PCBP4: variants seen among roughly 807,000 people sequenced by gnomAD.
The protein encoded by PCBP4 is poly(rC) binding protein 4.
Under a neutral mutation model 46.2 loss-of-function variants are expected in PCBP4, and 24 were observed. The ratio of observed to expected loss-of-function variants is 0.52; its 90% CI spans 0.38 to 0.73. PCBP4 has a LOEUF of 0.73. Ranked by LOEUF, PCBP4 falls within the 30% of genes least tolerant of loss-of-function variation. The pLI, the probability that PCBP4 is intolerant of heterozygous loss-of-function variation, is 0.00. For missense variants in PCBP4, 407 were observed against 537.0 expected, an observed-to-expected ratio of 0.76 and a Z score of 2.39; for synonymous variants, 203 against 224.4, an observed-to-expected ratio of 0.90 and a Z score of 0.85.
intron 1 of PCBP4, among the ~76,000 whole-genome samples, chr3:51,966,672 C>T (rs1371844848): frequency 1.3e-5 from 2 of 152,008 alleles, no homozygotes; most frequent in Non-Finnish European, 2.9e-5. Flanking sequence ...GGTGCTGGGG[C>T]CGGGTGGGGC....
Position 51,959,011 on chromosome 3 carries a change from C to G in PCBP4, c.753+36G>C. 1 of 1,613,366 alleles carries G rather than the reference C, an allele frequency of 6.2e-7. No homozygotes were observed. Among genetic ancestry groups the G allele is most frequent in the Non-Finnish European group, 8.5e-7 (1 of 1,179,506 alleles). ...GGGTGAGGTCCAGACCCCCAGACCC[C>G]CTACCCACCCTCCAGCCATCCCATC... On this transcript the variant is annotated intron_variant, in intron 12 of 13. Coordinates refer to ENST00000461554, the MANE Select transcript of PCBP4 (RefSeq NM_001174100.2). The surrounding 1 kb of genome is among the most constrained non-coding windows in gnomAD (Gnocchi z 5.6).
intron 2 of PCBP4, 93 bp from the exon 3 acceptor site, chr3:51,961,397 TC>T: frequency 7.3e-7 from 1 of 1,366,402 alleles, no homozygotes; most frequent in Non-Finnish European, 9.7e-7. Flanking sequence ...CTAGTCAAAC[TC>T]CCAGAGGAAA....
Position 51,958,057 on chromosome 3 carries a change from G to T in PCBP4, c.*4C>A. 6.5e-7 allele frequency: 1 copy of T among 1,538,134 alleles called. No individual in the cohort carries two copies. The highest frequency in any genetic ancestry group is 8.7e-7 in the Non-Finnish European group (1 of 1,143,898). On this transcript the variant is annotated 3_prime_UTR_variant, in exon 14 of 14. Coordinates refer to ENST00000461554, the MANE Select transcript of PCBP4 (RefSeq NM_001174100.2). This position sits in a 1 kb window ranked among gnomAD's most constrained non-coding sequence, Gnocchi z 5.4. ...GCCTGCCCCTGCCTGTACCTCAGCT[G>T]GCCTCAGTAGGGGGAGAATTTCTGC...
rs1238690842 is a variant in PCBP4, at chr3:51,959,485, C to T, written c.592-74G>A. On this transcript the variant is annotated intron_variant, in intron 9 of 13. Coordinates refer to ENST00000461554, the MANE Select transcript of PCBP4 (RefSeq NM_001174100.2). The surrounding 1 kb of genome is among the most constrained non-coding windows in gnomAD (Gnocchi z 5.6). ...CAGCCAGAGTCACTCCTTCCCCCGT[C>T]CCTGGACCTCCAATTCCTTCTTCCA... 1 of 1,528,826 alleles carries T rather than the reference C, an allele frequency of 6.5e-7. No homozygotes were observed. The allele number at this position is 1,528,826 out of a possible 1,614,324, so 94.7% of individuals were successfully genotyped here. A position where few individuals can be genotyped will look rare whatever the true frequency, so the allele number is the denominator to read the frequency against.
chr3:51,959,754 C>G lies in PCBP4; in HGVS notation c.517-103G>C. 6.9e-7 allele frequency: 1 copy of G among 1,446,784 alleles called. No individual in the cohort carries two copies. Among genetic ancestry groups the G allele is most frequent in the Non-Finnish European group, 9.4e-7 (1 of 1,059,800 alleles). The allele number at this position is 1,446,784 out of a possible 1,614,324, so 89.6% of individuals were successfully genotyped here. A position where few individuals can be genotyped will look rare whatever the true frequency, so the allele number is the denominator to read the frequency against. ...CCCCACCATGACCCCCAGGGAAATGCACATGATCCCTGGAGCTCATCATCC... is the reference window on the plus strand; with the variant it reads ...CCCCACCATGACCCCCAGGGAAATGGACATGATCCCTGGAGCTCATCATCC... On this transcript the variant is annotated intron_variant, in intron 8 of 13. Transcript: ENST00000461554. The surrounding 1 kb of genome is among the most constrained non-coding windows in gnomAD (Gnocchi z 5.6).
Position 51,959,776 on chromosome 3 carries a change from A to T in PCBP4, c.516+119T>A, listed in dbSNP as rs1356991016. On this transcript the variant is annotated intron_variant, in intron 8 of 13. Coordinates refer to ENST00000461554, the MANE Select transcript of PCBP4 (RefSeq NM_001174100.2). This position sits in a 1 kb window ranked among gnomAD's most constrained non-coding sequence, Gnocchi z 5.6. Reference sequence around the variant, plus strand: ...ATGCACATGATCCCTGGAGCTCATCATCCATCCCTGCAGCCCTGCCCTGCC... The same window carrying T: ...ATGCACATGATCCCTGGAGCTCATCTTCCATCCCTGCAGCCCTGCCCTGCC... The T allele has an allele frequency of 6.7e-7, 1 of 1,489,692 alleles. No homozygotes were observed. The highest frequency in any genetic ancestry group is 1.4e-5 in the African/African-American group (1 of 71,988). 92.3% of individuals were successfully genotyped at this position (1,489,692 alleles called of 1,614,324 possible). A position where few individuals can be genotyped will look rare whatever the true frequency, so the allele number is the denominator to read the frequency against.
intron 1 of PCBP4, 98 bp downstream of exon 1, chr3:51,967,228 C>T (rs933164906): frequency 1.3e-5 from 2 of 152,210 alleles, no homozygotes; most frequent in African/African-American, 4.8e-5. Flanking sequence ...TCTCACAAAC[C>T]TGCGACCCCA....
chr3:51,961,851 G>A, intron 2 of PCBP4, 90 bp downstream of exon 2: 1 of 667,048 alleles, frequency 1.5e-6, no homozygotes, highest in East Asian at 1.4e-4. Flanking sequence ...TTGAAGGCAG[G>A]GAGGCCTCGG....
chr3:51,965,950 G>A (rs147852097), intron 1 of PCBP4, among the ~76,000 whole-genome samples: 9 of 152,288 alleles, frequency 5.9e-5, no homozygotes, highest in African/African-American at 1.4e-4. Context: ...TCACAGAGTC[G>A]AGTTGGGCTC....
chr3:51,963,908 C>T (rs757097236), intron 1 of PCBP4, among the ~76,000 whole-genome samples: 53 of 152,232 alleles, frequency 3.5e-4, no homozygotes, highest in Non-Finnish European at 7.2e-4. Context: ...GCATCACTGG[C>T]TCCCCCTGCC....
intron 2 of PCBP4, 116 bp from the exon 3 acceptor site, chr3:51,961,420 G>A (rs1300872226): frequency 8.5e-7 from 1 of 1,180,574 alleles, no homozygotes; most frequent in Non-Finnish European, 1.2e-6. Context: ...AGACTGCATG[G>A]ACCTTGAGCG....
rs1190403422 is a variant in PCBP4 at position 51,960,778 on chromosome 3, CAGA to C, written c.138+85_138+87del. On this transcript the variant is annotated intron_variant, in intron 5 of 13. Coordinates refer to ENST00000461554, the MANE Select transcript of PCBP4 (RefSeq NM_001174100.2). The surrounding 1 kb of genome is among the most constrained non-coding windows in gnomAD (Gnocchi z 5.0). The stretch of plus-strand genomic sequence containing the variant: ...CCTCTGGGGGACTCACTGGTCAGCC[CAGA>C]AGGAGTGGTTCAGAGAGAAAGTGGG... The C allele has an allele frequency of 2.0e-6, 3 of 1,531,476 alleles. No homozygotes were observed. In the African/African-American group the frequency reaches 4.1e-5, roughly 21 times the overall value. 94.9% of individuals were successfully genotyped at this position (1,531,476 alleles called of 1,614,324 possible).
At chr3:51,961,557 A>G in intron 2 of PCBP4, 1 of 461,412 alleles carries the variant, frequency 2.2e-6, no homozygotes, top group Non-Finnish European at 3.7e-6. Flanking sequence ...CCATCTCCAA[A>G]GAGTGATGAG....
In PCBP4 at chr3:51,959,505, C is replaced by T. The variant is rs1317640863; in HGVS notation, c.591+72G>A. The T allele has an allele frequency of 6.6e-7, 1 of 1,523,478 alleles. No homozygotes were observed. The highest frequency in any genetic ancestry group is 1.4e-5 in the African/African-American group (1 of 72,528). The allele number at this position is 1,523,478 out of a possible 1,614,324, so 94.4% of individuals were successfully genotyped here. A position where few individuals can be genotyped will look rare whatever the true frequency, so the allele number is the denominator to read the frequency against. ...CCCGTCCCTGGACCTCCAATTCCTTCTTCCATCCCCTCCTCTATCTCAATC... is the reference window on the plus strand; with the variant it reads ...CCCGTCCCTGGACCTCCAATTCCTTTTTCCATCCCCTCCTCTATCTCAATC... On this transcript the variant is annotated intron_variant, in intron 9 of 13. Transcript: ENST00000461554. The surrounding 1 kb of genome is among the most constrained non-coding windows in gnomAD (Gnocchi z 5.6).
chr3:51,960,229 A>G lies in PCBP4; in HGVS notation c.347T>C (p.Leu116Pro). 6.2e-7 allele frequency: 1 copy of G among 1,614,146 alleles called. No individual in the cohort carries two copies. The highest frequency in any genetic ancestry group is 8.5e-7 in the Non-Finnish European group (1 of 1,180,038). ...GATCTTGGTGCCAGCCTTCCCAATC[A>G]GTGAGCCACACTGACTGGCAGGGAT... ...LVIPASQCGS[L>P]IGKAGTKIKE... Residue 116 changes from leucine to proline, a missense_variant, in exon 7 of 14, where the codon CTG (leucine) becomes CCG (proline). Coordinates refer to ENST00000461554, the MANE Select transcript of PCBP4 (RefSeq NM_001174100.2). The surrounding 1 kb of genome is among the most constrained non-coding windows in gnomAD (Gnocchi z 5.0).
rs531009008 is a variant in PCBP4 at position 51,961,038 on chromosome 3, G to C, written c.82-5C>G. On this transcript the variant is annotated splice_polypyrimidine_tract_variant and splice_region_variant and intron_variant, in intron 3 of 13. Coordinates refer to ENST00000461554, the MANE Select transcript of PCBP4 (RefSeq NM_001174100.2). ...CCCGATGATGCTGCCCACTTCCTGC[G>C]GACAAGACAAGAGCCGTCAGATGGG... is the stretch of plus-strand genomic sequence containing the variant. 3 of 1,614,086 alleles carry C rather than the reference G, an allele frequency of 1.9e-6. No individual in the cohort carries two copies. The highest frequency in any genetic ancestry group is 2.7e-5 in the African/African-American group (2 of 74,930).
rs1296979106 is a variant in PCBP4 at position 51,960,181 on chromosome 3, C to T, written c.387+8G>A. ...GATTCCCTGTGGGTGGTATATCTCG[C>T]CCCTCACCTCTCGGATCTCCTTGAT... On this transcript the variant is annotated splice_region_variant and intron_variant, in intron 7 of 13. Transcript: ENST00000461554. This position sits in a 1 kb window ranked among gnomAD's most constrained non-coding sequence, Gnocchi z 5.0. The T allele has an allele frequency of 1.2e-6, 2 of 1,613,980 alleles. No individual in the cohort carries two copies. Among genetic ancestry groups the T allele is most frequent in the Non-Finnish European group, 1.7e-6 (2 of 1,180,042 alleles).
chr3:51,957,975 AG>A lies in PCBP4; in HGVS notation c.*85del. 1 of 1,304,772 alleles carries A rather than the reference AG, an allele frequency of 7.7e-7. No homozygotes were observed. The highest frequency in any genetic ancestry group is 1.0e-6 in the Non-Finnish European group (1 of 956,878). 80.8% of individuals were successfully genotyped at this position (1,304,772 alleles called of 1,614,324 possible). On this transcript the variant is annotated 3_prime_UTR_variant, in exon 14 of 14. Transcript: ENST00000461554. ...GGGCGTTAGCGGCGTTTGGGACCCCAGGGTGGAGTCTCCTTGGGCGGGTAGG... is the reference window on the plus strand; with the variant it reads ...GGGCGTTAGCGGCGTTTGGGACCCCAGGTGGAGTCTCCTTGGGCGGGTAGG...
Position 51,958,139 on chromosome 3 carries a change from G to C in PCBP4, c.1134C>G (p.Gly378=). Residue 378 remains glycine, a synonymous_variant, in exon 14 of 14, where the codon GGC becomes GGG. Transcript: ENST00000461554. This position sits in a 1 kb window ranked among gnomAD's most constrained non-coding sequence, Gnocchi z 5.4. ...CCATCTTGGCAGTGTAGGCCGCCAA[G>C]CCCGGCGGCGGCCCTGGGGAAGCAG... ...LPPASPGPPP[G]LAAYTAKMAA... 6.2e-7 allele frequency: 1 copy of C among 1,611,616 alleles called. No individual in the cohort carries two copies. The highest frequency in any genetic ancestry group is 8.5e-7 in the Non-Finnish European group (1 of 1,178,892).
Sources: allele counts gnomAD v4.1 joint callset (sites outside exome capture counted in the v4.1 genomes callset), GRCh38; gene constraint gnomAD v4.1.1; non-coding constraint Gnocchi (gnomAD v3.1); transcripts MANE v1.5; gene names NCBI Gene and HGNC (gene_info 2026-07-23, HGNC 2026-07-21).